NCOR2: variants seen among roughly 807,000 people sequenced by gnomAD.
NCOR2 encodes CTG repeat protein 26.
A neutral mutation model predicts 262.9 loss-of-function variants in NCOR2; 81 were observed. That is an observed-to-expected ratio of 0.31 (90% CI 0.26 to 0.37). NCOR2 has a LOEUF of 0.37. NCOR2 is among the 10% of genes least tolerant of loss of function. NCOR2 has a pLI of 1.00. For missense variants in NCOR2, 3,385 were observed against 3,621.4 expected, an observed-to-expected ratio of 0.93 and a Z score of 1.68; for synonymous variants, 1,659 against 1,559.3, an observed-to-expected ratio of 1.06 and a Z score of -1.51.
At chr12:124,554,841 G>C (rs1336772783) in intron 1 of NCOR2, among the ~76,000 whole-genome samples, 1 of 152,268 alleles carries the variant, frequency 6.6e-6, no homozygotes, top group Non-Finnish European at 1.5e-5. Flanking sequence ...AGCCAAGACA[G>C]ACAGGGTCAG....
At chr12:124,528,345 C>T (rs183550587) in intron 1 of NCOR2, among the ~76,000 whole-genome samples, 16 of 152,330 alleles carry the variant, frequency 1.1e-4, no homozygotes, top group South Asian at 4.1e-4. Context: ...TATTTATTTA[C>T]GGGATTGCTT....
chr12:124,483,800 A>ACGCAGGAGGTGAGG lies in NCOR2; in HGVS notation c.234-28_234-27insCCTCACCTCCTGCG, dbSNP rs753672299. On this transcript the variant is annotated intron_variant, in intron 2 of 46. Coordinates refer to ENST00000405201, the Ensembl canonical transcript of NCOR2. The surrounding 1 kb of genome is among the most constrained non-coding windows in gnomAD (Gnocchi z 6.3). ...TGCAGGAGGTGAGGCATCCAACGTCACATAGGAGATTGCGGCTCTGAGAAC... is the reference window on the plus strand; with the variant it reads ...TGCAGGAGGTGAGGCATCCAACGTCACGCAGGAGGTGAGGCATAGGAGATTGCGGCTCTGAGAAC... 1 of 1,565,754 alleles carries ACGCAGGAGGTGAGG rather than the reference A, an allele frequency of 6.4e-7. No individual in the cohort carries two copies. Among genetic ancestry groups the ACGCAGGAGGTGAGG allele is most frequent in the South Asian group, 1.2e-5 (1 of 84,446 alleles).
chr12:124,517,081 TC>T lies in NCOR2; in HGVS notation c.-118+18483del, dbSNP rs751586022. 1.3e-5 allele frequency among the ~76,000 whole-genome samples: 2 copies of T among 151,778 alleles called. No homozygotes were observed. Among genetic ancestry groups the T allele is most frequent in the East Asian group, 1.9e-4 (1 of 5,136 alleles). On this transcript the variant is annotated intron_variant, in intron 1 of 46. Coordinates refer to the NCOR2 transcript ENST00000404621. This position sits in a 1 kb window ranked among gnomAD's most constrained non-coding sequence, Gnocchi z 7.6. ...TTCCCCCTAAAACTGCAGCTCCTTC[TC>T]CCGTCAGTCCCATGCTTGTGTAGAC...
intron 37 of NCOR2, among the ~76,000 whole-genome samples, chr12:124,337,862 C>A (rs781007811): frequency 6.6e-6 from 1 of 152,276 alleles, no homozygotes; most frequent in African/African-American, 2.4e-5. Context: ...CCTGCGTTTC[C>A]ATGGGGGCAC....
chr12:124,453,112 T>G (rs774967091), intron 6 of NCOR2, among the ~76,000 whole-genome samples: 1 of 152,138 alleles, frequency 6.6e-6, no homozygotes, highest in Non-Finnish European at 1.5e-5. Flanking sequence ...GCAGGTGCAT[T>G]GCTGAGGGGA....
intron 1 of NCOR2, among the ~76,000 whole-genome samples, chr12:124,552,776 A>G (rs1205240486): frequency 6.6e-6 from 1 of 152,032 alleles, no homozygotes; most frequent in Non-Finnish European, 1.5e-5. Flanking sequence ...GCAGCCTCCA[A>G]CTCCAGAGCT....
intron 19 of NCOR2, among the ~76,000 whole-genome samples, chr12:124,373,899 C>T (rs888388085): frequency 6.6e-6 from 1 of 152,002 alleles, no homozygotes; most frequent in Admixed American, 6.5e-5. Flanking sequence ...GAGGCCAGTG[C>T]GTGTGCAGGG....
intron 1 of NCOR2, among the ~76,000 whole-genome samples, chr12:124,530,462 T>C (rs1242103624): frequency 6.6e-6 from 1 of 152,166 alleles, no homozygotes; most frequent in Non-Finnish European, 1.5e-5. Flanking sequence ...TACATCTCAA[T>C]GAAGATGATC....
At chr12:124,351,261 C>A (rs977575603) in intron 27 of NCOR2, among the ~76,000 whole-genome samples, 43 of 152,220 alleles carry the variant, frequency 2.8e-4, no homozygotes, top group African/African-American at 9.6e-4. Context: ...CCACGTCATG[C>A]ACTTTGGTTT....
chr12:124,338,350 A>C (rs1461981615), intron 37 of NCOR2, among the ~76,000 whole-genome samples: 1 of 152,068 alleles, frequency 6.6e-6, no homozygotes, highest in Non-Finnish European at 1.5e-5. Flanking sequence ...TCTACTAAAA[A>C]TATAAAAATT....
intron 13 of NCOR2, among the ~76,000 whole-genome samples, chr12:124,415,840 C>T (rs1046027428): frequency 1.3e-5 from 2 of 152,102 alleles, no homozygotes; most frequent in African/African-American, 4.8e-5. Flanking sequence ...CCCCGGTGCC[C>T]CAGCCTGGCC....
intron 3 of NCOR2, among the ~76,000 whole-genome samples, chr12:124,476,143 TGGACA>T (rs1367715763): frequency 6.6e-6 from 1 of 152,152 alleles, no homozygotes; most frequent in Non-Finnish European, 1.5e-5. Flanking sequence ...CAGCAAACCA[TGGACA>T]GCTCATGCGT....
At chr12:124,433,934 C>G (rs2044180081) in intron 8 of NCOR2, among the ~76,000 whole-genome samples, 1 of 137,262 alleles carries the variant, frequency 7.3e-6, no homozygotes, top group Admixed American at 7.5e-5. Flanking sequence ...TGGAGCCGTC[C>G]CCCTCCCGCC....
chr12:124,544,416 C>T, intron 1 of NCOR2, among the ~76,000 whole-genome samples: 1 of 152,246 alleles, frequency 6.6e-6, no homozygotes, highest in East Asian at 1.9e-4. Flanking sequence ...CGCCCAGGAG[C>T]AGGGTCTGGC....
intron 7 of NCOR2, among the ~76,000 whole-genome samples, chr12:124,439,251 AGAGAGAGAGATG>A: frequency 2.0e-5 from 3 of 151,512 alleles, no homozygotes; most frequent in Admixed American, 6.6e-5. Context: ...AGAGACCCAG[AGAGAGAGAGATG>A]GAGACCCTGA....
intron 3 of NCOR2, among the ~76,000 whole-genome samples, chr12:124,480,403 G>A (rs2047387195): frequency 6.6e-6 from 1 of 152,198 alleles, no homozygotes; most frequent in Non-Finnish European, 1.5e-5. Context: ...TGACCCTGGG[G>A]GACTGAAGCC....
At chr12:124,418,765 G>A (rs1304609501) in intron 13 of NCOR2, among the ~76,000 whole-genome samples, 3 of 152,226 alleles carry the variant, frequency 2.0e-5, no homozygotes. Context: ...TCAGAAAGCA[G>A]TCAGTGACCC....
chr12:124,543,980 C>G (rs571206208), intron 1 of NCOR2, among the ~76,000 whole-genome samples: 68 of 152,352 alleles, frequency 4.5e-4, no homozygotes, highest in African/African-American at 1.5e-3. Context: ...ACATCCTCCC[C>G]CTGTGCAGAT....
chr12:124,518,532 CG>C (rs2049972819), intron 1 of NCOR2, among the ~76,000 whole-genome samples: 1 of 152,360 alleles, frequency 6.6e-6, no homozygotes, highest in Admixed American at 6.5e-5. Flanking sequence ...AACGAGACGT[CG>C]GGCCTCCAGC....
Sources: allele counts gnomAD v4.1 joint callset (sites outside exome capture counted in the v4.1 genomes callset), GRCh38; gene constraint gnomAD v4.1.1; non-coding constraint Gnocchi (gnomAD v3.1); transcripts MANE v1.5; gene names NCBI Gene and HGNC (gene_info 2026-07-23, HGNC 2026-07-21).